The following ZNF791 variants were observed in gnomAD, a reference collection of about 807,000 sequenced individuals.
ZNF791 encodes the protein zinc finger protein 791.
ZNF791 carries 4 observed loss-of-function variants against 11.5 expected under a neutral mutation model. That is an observed-to-expected ratio of 0.35 (90% confidence interval 0.17 to 0.80). The LOEUF is 0.80. ZNF791 is among the 30% of genes least tolerant of loss of function. ZNF791 has a pLI of 0.53. For missense variants in ZNF791, 559 were observed against 699.4 expected, an observed-to-expected ratio of 0.80 and a Z score of 2.26; for synonymous variants, 212 against 228.1, an observed-to-expected ratio of 0.93 and a Z score of 0.64.
intron 3 of ZNF791, among the ~76,000 whole-genome samples, chr19:12,625,642 G>A (rs1335044934): frequency 3.3e-5 from 5 of 149,744 alleles, no homozygotes; most frequent in African/African-American, 4.9e-5. Flanking sequence ...AAAATTAGCC[G>A]GGTGTGGTGG....
intron 1 of ZNF791, among the ~76,000 whole-genome samples, chr19:12,622,390 TAAAA>T (rs372867409): frequency 1.9e-5 from 2 of 106,198 alleles, no homozygotes; most frequent in Admixed American, 2.2e-4. Flanking sequence ...AAAAAAATAA[TAAAA>T]AAAAGACTGT....
intron 2 of ZNF791, 128 bp from the exon 3 acceptor site, chr19:12,624,522 G>C: frequency 1.5e-6 from 1 of 663,108 alleles, no homozygotes; most frequent in Non-Finnish European, 2.4e-6. Context: ...TCCGAGATTT[G>C]GAATCTGAAA....
rs934005037 is a variant in ZNF791, at chr19:12,630,433, TGACA to T, written c.*1176_*1179del. The T allele has an allele frequency of 5.9e-5, 9 of 151,732 alleles. No individual in the cohort carries two copies. The highest frequency in any genetic ancestry group is 2.0e-4 in the Admixed American group (3 of 15,216). The allele number at this position is 151,732 out of a possible 1,614,324, so 9.4% of individuals were successfully genotyped here. ...ATCTACCACTACACTCCAGCCTGGG[TGACA>T]GAGCGAGACTCCGTCTCGAAAAAAA... On this transcript the variant is annotated 3_prime_UTR_variant, in exon 4 of 4. Coordinates refer to ENST00000343325, the MANE Select transcript of ZNF791 (RefSeq NM_153358.3).
rs376661863 is a variant in ZNF791, at chr19:12,629,019, A to C, written c.1490A>C (p.Glu497Ala). The C allele has an allele frequency of 1.9e-6, 3 of 1,613,642 alleles. No individual in the cohort carries two copies. Among genetic ancestry groups the C allele is most frequent in the African/African-American group, 2.7e-5 (2 of 74,894 alleles). ...ACTCACACTGGGGAGAAACCTTATG[A>C]ATGTAAGGAATGCGGGAAGGCCTTT... is the stretch of plus-strand genomic sequence containing the variant. ...KRTHTGEKPYECKECGKAFIY... is the reference protein window; with the variant it reads ...KRTHTGEKPYACKECGKAFIY... The change falls in exon 4 of 4, where the codon GAA becomes GCA. Residue 497 changes from glutamate (E) to alanine (A), a missense_variant. Glu to Ala is a moderately radical substitution (Grantham distance 107). Transcript: ENST00000343325.
intron 1 of ZNF791, among the ~76,000 whole-genome samples, chr19:12,611,569 C>A (rs560270479): frequency 6.6e-6 from 1 of 152,314 alleles, no homozygotes; most frequent in Admixed American, 6.5e-5. Flanking sequence ...GTCACCAACT[C>A]TTTGTCCTGT....
intron 1 of ZNF791, among the ~76,000 whole-genome samples, chr19:12,618,658 G>A (rs1179653060): frequency 6.6e-6 from 1 of 151,636 alleles, no homozygotes; most frequent in Admixed American, 6.6e-5. Context: ...AGCTACTCAG[G>A]AGGCTGAGAC....
intron 1 of ZNF791, among the ~76,000 whole-genome samples, chr19:12,617,130 T>C (rs1014297455): frequency 6.7e-6 from 1 of 149,064 alleles, no homozygotes. Context: ...TTTTCTTCTT[T>C]TTTTTTTTTT....
intron 1 of ZNF791, among the ~76,000 whole-genome samples, chr19:12,611,753 A>G (rs1295874009): frequency 2.0e-5 from 3 of 152,214 alleles, no homozygotes; most frequent in Non-Finnish European, 4.4e-5. Flanking sequence ...GTACCTTTCC[A>G]GGGCACAGAC....
intron 2 of ZNF791, 137 bp downstream of exon 2, chr19:12,623,963 C>T (rs2861400): frequency 0.58 from 453,257 of 783,898 alleles, 140,047 homozygotes; most frequent in Non-Finnish European, 0.65. Flanking sequence ...TCAAGCAATT[C>T]TCCTACCTCA....
intron 3 of ZNF791, among the ~76,000 whole-genome samples, chr19:12,626,688 T>C (rs2023433644): frequency 6.6e-6 from 1 of 152,080 alleles, no homozygotes; most frequent in South Asian, 2.1e-4. Flanking sequence ...CACTGCAAGC[T>C]CCGCCTCCCA....
chr19:12,614,892 CTTTTTTTTTTTTTTTTTTT>C (rs57575424), intron 1 of ZNF791, among the ~76,000 whole-genome samples: 244 of 17,586 alleles, frequency 0.014, 7 homozygotes, highest in African/African-American at 0.027. Context: ...TGCGTCCGGC[CTTTTTTTTTTTTTTTTTTT>C]TTTTTTTTTT....
Position 12,618,808 on chromosome 19 carries a change from A to AGTGT in ZNF791, c.4-4853_4-4850dup, listed in dbSNP as rs60468264. 9.8e-3 allele frequency among the ~76,000 whole-genome samples: 1,401 copies of AGTGT among 143,674 alleles called. 11 individuals carry two copies. Among genetic ancestry groups the AGTGT allele is most frequent in the East Asian group, 0.027 (123 of 4,602 alleles). 94.3% of individuals were successfully genotyped at this position (143,674 alleles called of 152,430 possible). A position where few individuals can be genotyped will look rare whatever the true frequency, so the allele number is the denominator to read the frequency against. Reference sequence around the variant, plus strand: ...TTTTGTGGTGATTTGTTTACCTCTCAGTGTGTGTGTGTGTGTGTGTGTGTG... The same window carrying AGTGT: ...TTTTGTGGTGATTTGTTTACCTCTCAGTGTGTGTGTGTGTGTGTGTGTGTGTGTG... On this transcript the variant is annotated intron_variant, in intron 1 of 3. Transcript: ENST00000343325.
chr19:12,624,420 G>A (rs2023398130), intron 2 of ZNF791, among the ~76,000 whole-genome samples: 2 of 151,298 alleles, frequency 1.3e-5, no homozygotes, highest in Admixed American at 1.3e-4. Flanking sequence ...CCCAAAGTGT[G>A]GGGATTACAG....
At position 12,630,912 on chromosome 19, in the gene ZNF791, TAA is replaced by T. The variant is rs1192869626; in HGVS notation, c.*1653_*1654del. 3 of 152,248 alleles carry T rather than the reference TAA, an allele frequency of 2.0e-5. No homozygotes were observed. In the East Asian group the frequency reaches 5.8e-4, roughly 29 times the overall value. The allele number at this position is 152,248 out of a possible 1,614,324, so 9.4% of individuals were successfully genotyped here. ...AGTTTATAAAGAAAATAATGTACAG[TAA>T]GTTAAGGTTTATTCATTATTGAGGA... On this transcript the variant is annotated 3_prime_UTR_variant, in exon 4 of 4. Transcript: ENST00000343325.
At chr19:12,625,984 A>T (rs1045174726) in intron 3 of ZNF791, among the ~76,000 whole-genome samples, 4 of 151,696 alleles carry the variant, frequency 2.6e-5, no homozygotes, top group African/African-American at 4.8e-5. Flanking sequence ...AGCTGGGATT[A>T]TAAGCGCGCA....
At chr19:12,614,540 G>C (rs1281307683) in intron 1 of ZNF791, among the ~76,000 whole-genome samples, 1 of 151,310 alleles carries the variant, frequency 6.6e-6, no homozygotes, top group Non-Finnish European at 1.5e-5. Flanking sequence ...CCAGGCCGGG[G>C]TTACGTTTTT....
chr19:12,613,102 C>T (rs2023187000), intron 1 of ZNF791, among the ~76,000 whole-genome samples: 1 of 152,020 alleles, frequency 6.6e-6, no homozygotes, highest in East Asian at 2.0e-4. Flanking sequence ...GGATTACAGG[C>T]ACACACCACT....
chr19:12,622,096 A>G (rs369203835), intron 1 of ZNF791, among the ~76,000 whole-genome samples: 10,168 of 113,028 alleles, frequency 0.09, 530 homozygotes, highest in Non-Finnish European at 0.14. Context: ...GTCCACTCAG[A>G]GTTAAATGGA....
rs2023492991 is a variant in ZNF791 at position 12,630,716 on chromosome 19, T to G, written c.*1456T>G. The G allele has an allele frequency of 6.6e-6, 1 of 152,154 alleles. No homozygotes were observed. The highest frequency in any genetic ancestry group is 2.1e-4 in the South Asian group (1 of 4,830). The allele number at this position is 152,154 out of a possible 1,614,324, so 9.4% of individuals were successfully genotyped here. The stretch of plus-strand genomic sequence containing the variant: ...AGGCAGAAGACAATGATATTGATGA[T>G]CCTCACCCCGTGTAGTCCTACACTA... On this transcript the variant is annotated 3_prime_UTR_variant, in exon 4 of 4. Coordinates refer to ENST00000343325, the MANE Select transcript of ZNF791 (RefSeq NM_153358.3).
Sources: allele counts gnomAD v4.1 joint callset (sites outside exome capture counted in the v4.1 genomes callset), GRCh38; gene constraint gnomAD v4.1.1; transcripts MANE v1.5; gene names NCBI Gene and HGNC (gene_info 2026-07-23, HGNC 2026-07-21).